The following NFKBIE variants were observed in gnomAD, a reference collection of about 807,000 sequenced individuals.
NFKBIE encodes NF-kappa-B inhibitor epsilon.
In NFKBIE, 11 loss-of-function variants were observed where a neutral mutation model predicts 31.6. The ratio of observed to expected loss-of-function variants is 0.35; its 90% CI spans 0.22 to 0.58. The LOEUF is 0.58. NFKBIE is among the 20% of genes least tolerant of loss of function. The pLI, the probability that NFKBIE is intolerant of heterozygous loss-of-function variation, is 0.83. For missense variants in NFKBIE, 354 were observed against 465.7 expected (o/e 0.76, Z 2.21); for synonymous variants, 208 against 210.1 (o/e 0.99, Z 0.09).
intron 2 of NFKBIE, among the ~76,000 whole-genome samples, chr6:44,262,206 G>A (rs1299580546): frequency 2.0e-5 from 3 of 152,172 alleles, no homozygotes; most frequent in Non-Finnish European, 4.4e-5. Context: ...TAGAGGCACC[G>A]GGCAGTCTCT....
Position 44,263,534 on chromosome 6 carries a change from A to AGCAGCAG in NFKBIE, c.366-879_366-873dup, listed in dbSNP as rs1328115138. Among the ~76,000 whole-genome samples the AGCAGCAG allele has an allele frequency of 6.6e-6, 1 of 152,080 alleles. No individual in the cohort carries two copies. Among genetic ancestry groups the AGCAGCAG allele is most frequent in the East Asian group, 1.9e-4 (1 of 5,190 alleles). On this transcript the variant is annotated intron_variant, in intron 1 of 5. Coordinates refer to ENST00000619360, the MANE Select transcript of NFKBIE (RefSeq NM_004556.3). This position sits in a 1 kb window ranked among gnomAD's most constrained non-coding sequence, Gnocchi z 5.0. Reference sequence around the variant, plus strand: ...CTTGGGCAGGAGGGTGGCAGGCTTTAGCAGCAGGCAGCAGGAGAGGCCCAG... The same window carrying AGCAGCAG: ...CTTGGGCAGGAGGGTGGCAGGCTTTAGCAGCAGGCAGCAGGCAGCAGGAGAGGCCCAG...
chr6:44,262,528 G>T (rs781591826), intron 2 of NFKBIE, 32 bp downstream of exon 2: 5 of 1,577,456 alleles, frequency 3.2e-6, no homozygotes, highest in Middle Eastern at 1.7e-4. Context: ...GCACAAACAG[G>T]TATCTGGGCA....
chr6:44,258,713 T>A lies in NFKBIE; in HGVS notation c.*506A>T, dbSNP rs1781774099. 1 of 153,002 alleles carries A rather than the reference T, an allele frequency of 6.5e-6. No individual in the cohort carries two copies. The highest frequency in any genetic ancestry group is 2.4e-5 in the African/African-American group (1 of 41,444). The allele number at this position is 153,002 out of a possible 1,614,324, so 9.5% of individuals were successfully genotyped here. The stretch of plus-strand genomic sequence containing the variant: ...TTTTTTAACGTCTCTGCCATTTTAG[T>A]GTCATGTTACTGAAACTTCCCTTCC... On this transcript the variant is annotated 3_prime_UTR_variant, in exon 6 of 6. Transcript: ENST00000619360.
Position 44,265,116 on chromosome 6 carries a change from C to G in NFKBIE, c.231G>C (p.Ser77=). The change falls in exon 1 of 6, where the codon TCG becomes TCC. Residue 77 remains serine, a synonymous_variant. Transcript: ENST00000619360. The stretch of plus-strand genomic sequence containing the variant: ...CCAGCAAGGACAGGGTGTAGGTGAG[C>G]GAGGAGGAGCCATAGGTGGAATCAG... ...ERADSTYGSS[S]LTYTLSLLGG... 6.4e-7 allele frequency: 1 copy of G among 1,553,900 alleles called. No individual in the cohort carries two copies. The highest frequency in any genetic ancestry group is 1.4e-5 in the African/African-American group (1 of 73,528).
Position 44,260,229 on chromosome 6 carries a change from C to G in NFKBIE, c.834G>C (p.Arg278=). Residue 278 remains arginine (R), a synonymous_variant, in exon 5 of 6, where the codon CGG becomes CGC. Coordinates refer to ENST00000619360, the MANE Select transcript of NFKBIE (RefSeq NM_004556.3). The surrounding 1 kb of genome is among the most constrained non-coding windows in gnomAD (Gnocchi z 5.5). Reference sequence around the variant, plus strand: ...CCTGGAGCAGGAACTGTACCAGGCCCCGCTCTTGGGTTTCCACAGCCAGGT... The same window carrying G: ...CCTGGAGCAGGAACTGTACCAGGCCGCGCTCTTGGGTTTCCACAGCCAGGT... The part of the protein sequence containing the change: ...ALHLAVETQE[R]GLVQFLLQAG... 6.2e-7 allele frequency: 1 copy of G among 1,613,626 alleles called. No homozygotes were observed. The highest frequency in any genetic ancestry group is 8.5e-7 in the Non-Finnish European group (1 of 1,179,556).
rs1469231596 is a variant in NFKBIE, at chr6:44,259,181, A to G, written c.*38T>C. On this transcript the variant is annotated 3_prime_UTR_variant, in exon 6 of 6. Transcript: ENST00000619360. ...AGTTATGGCTCCGGCTTCCAGATGG[A>G]GAGGTGGAGCCCTGAGGATCCCAGA... 2 of 1,608,908 alleles carry G rather than the reference A, an allele frequency of 1.2e-6. No homozygotes were observed. The highest frequency in any genetic ancestry group is 1.7e-5 in the Admixed American group (1 of 59,936).
At position 44,260,562 on chromosome 6, in the gene NFKBIE, G is replaced by C. The variant is rs773586220; in HGVS notation, c.692-23C>G. On this transcript the variant is annotated intron_variant, in intron 3 of 5. Transcript: ENST00000619360. This position sits in a 1 kb window ranked among gnomAD's most constrained non-coding sequence, Gnocchi z 5.5. ...GACCTGGGATGGGGTGAGAGTGAGG[G>C]TGAGGGCTGCTGATCTGCATCCACC... 1.2e-6 allele frequency: 2 copies of C among 1,609,026 alleles called. No homozygotes were observed. Among genetic ancestry groups the C allele is most frequent in the Non-Finnish European group, 1.7e-6 (2 of 1,176,504 alleles).
rs1583008613 is a variant in NFKBIE at position 44,260,866 on chromosome 6, C to CACACACACATACAG, written c.692-328_692-327insCTGTATGTGTGTGT. ...ACACACACACACACATACAGACACA[C>CACACACACATACAG]ACACACACACACACACACACACACA... On this transcript the variant is annotated intron_variant, in intron 3 of 5. Transcript: ENST00000619360. The surrounding 1 kb of genome is among the most constrained non-coding windows in gnomAD (Gnocchi z 5.5). 4.2e-5 allele frequency among the ~76,000 whole-genome samples: 6 copies of CACACACACATACAG among 142,912 alleles called. No homozygotes were observed. Among genetic ancestry groups the CACACACACATACAG allele is most frequent in the Admixed American group, 1.4e-4 (2 of 14,104 alleles). 93.8% of individuals were successfully genotyped at this position (142,912 alleles called of 152,430 possible).
chr6:44,265,476 G>A lies in NFKBIE; in HGVS notation c.-130C>T. 6.6e-7 allele frequency: 1 copy of A among 1,525,750 alleles called. No individual in the cohort carries two copies. The highest frequency in any genetic ancestry group is 8.8e-7 in the Non-Finnish European group (1 of 1,140,472). 94.5% of individuals were successfully genotyped at this position (1,525,750 alleles called of 1,614,324 possible). On this transcript the variant is annotated 5_prime_UTR_variant, in exon 1 of 6. Transcript: ENST00000619360. ...CGGCCCGCGGCGGCCTCCTTCCCGGGCTGTGGGGCTCCGAGGGGCCGGCGC... is the reference window on the plus strand; with the variant it reads ...CGGCCCGCGGCGGCCTCCTTCCCGGACTGTGGGGCTCCGAGGGGCCGGCGC...
intron 5 of NFKBIE, 53 bp downstream of exon 5, chr6:44,259,988 CCT>C: frequency 6.3e-7 from 1 of 1,581,400 alleles, no homozygotes; most frequent in Non-Finnish European, 8.6e-7. Flanking sequence ...AATGACAGAA[CCT>C]CTCTCTGCTA....
chr6:44,261,895 ACCTC>A lies in NFKBIE; in HGVS notation c.469-51_469-48del. ...CATGGGGCCACTGCAGCATGCTCCC[ACCTC>A]TGGGAACATGCTTGGGCTCAAGAAT... On this transcript the variant is annotated intron_variant, in intron 2 of 5. Transcript: ENST00000619360. The surrounding 1 kb of genome is among the most constrained non-coding windows in gnomAD (Gnocchi z 4.3). 3 of 1,517,260 alleles carry A rather than the reference ACCTC, an allele frequency of 2.0e-6. No homozygotes were observed. The highest frequency in any genetic ancestry group is 2.7e-6 in the Non-Finnish European group (3 of 1,117,170). 94.0% of individuals were successfully genotyped at this position (1,517,260 alleles called of 1,614,324 possible).
In NFKBIE at chr6:44,265,311, C is replaced by T. The variant is rs1782083801; in HGVS notation, c.36G>A (p.Glu12=). ...SEARKGPDEA[E]ESQYDSGIES... is the part of the protein sequence containing the mutation. ...CAATGCCAGAGTCGTACTGGCTCTCCTCCGCCTCGTCCGGCCCCTTCCGCG... is the reference window on the plus strand; with the variant it reads ...CAATGCCAGAGTCGTACTGGCTCTCTTCCGCCTCGTCCGGCCCCTTCCGCG... The change falls in exon 1 of 6, where the codon GAG becomes GAA. Residue 12 remains glutamate, a synonymous_variant. Coordinates refer to ENST00000619360, the MANE Select transcript of NFKBIE (RefSeq NM_004556.3). 1 of 1,547,626 alleles carries T rather than the reference C, an allele frequency of 6.5e-7. No homozygotes were observed.
chr6:44,259,136 GC>G lies in NFKBIE; in HGVS notation c.*82del. ...CCCTAGGGCACCAGAAGAGCACATA[GC>G]CTGGGCCCAAACTGCAGCAGTTATG... On this transcript the variant is annotated 3_prime_UTR_variant, in exon 6 of 6. Transcript: ENST00000619360. 1 of 1,454,836 alleles carries G rather than the reference GC, an allele frequency of 6.9e-7. No homozygotes were observed. 90.1% of individuals were successfully genotyped at this position (1,454,836 alleles called of 1,614,324 possible).
At position 44,261,892 on chromosome 6, in the gene NFKBIE, C is replaced by CA. The variant is rs1561913948; in HGVS notation, c.469-45_469-44insT. 4.6e-6 allele frequency: 7 copies of CA among 1,538,344 alleles called. No individual in the cohort carries two copies. Among genetic ancestry groups the CA allele is most frequent in the Non-Finnish European group, 6.2e-6 (7 of 1,133,444 alleles). ...GGTCATGGGGCCACTGCAGCATGCT[C>CA]CCACCTCTGGGAACATGCTTGGGCT... On this transcript the variant is annotated intron_variant, in intron 2 of 5. Coordinates refer to ENST00000619360, the MANE Select transcript of NFKBIE (RefSeq NM_004556.3). This position sits in a 1 kb window ranked among gnomAD's most constrained non-coding sequence, Gnocchi z 4.3.
intron 2 of NFKBIE, 76 bp downstream of exon 2, chr6:44,262,484 T>C: frequency 1.6e-6 from 2 of 1,286,628 alleles, no homozygotes; most frequent in Non-Finnish European, 2.3e-6. Flanking sequence ...GAGCAGCCTT[T>C]GGACTGGTAT....
Position 44,265,497 on chromosome 6 carries a change from G to A in NFKBIE, c.-151C>T. The A allele has an allele frequency of 1.3e-6, 2 of 1,537,538 alleles. No homozygotes were observed. Among genetic ancestry groups the A allele is most frequent in the Non-Finnish European group, 1.7e-6 (2 of 1,144,240 alleles). ...CCGGGCTGTGGGGCTCCGAGGGGCC[G>A]GCGCGCAGCGAGGACAAGGTTCGGA... On this transcript the variant is annotated 5_prime_UTR_variant, in exon 1 of 6. Transcript: ENST00000619360.
Position 44,260,437 on chromosome 6 carries a change from G to C in NFKBIE, c.780+14C>G. The C allele has an allele frequency of 1.9e-6, 3 of 1,614,128 alleles. No individual in the cohort carries two copies. Among genetic ancestry groups the C allele is most frequent in the Non-Finnish European group, 2.5e-6 (3 of 1,179,972 alleles). On this transcript the variant is annotated intron_variant, in intron 4 of 5. Transcript: ENST00000619360. The surrounding 1 kb of genome is among the most constrained non-coding windows in gnomAD (Gnocchi z 5.5). The stretch of plus-strand genomic sequence containing the variant: ...CAGGCCCTGGGCCGGGCAGTGCTTT[G>C]CTGGCTGTCTCACCTGCACATCAAT...
intron 1 of NFKBIE, among the ~76,000 whole-genome samples, chr6:44,264,304 G>T (rs966119916): frequency 6.6e-6 from 1 of 152,316 alleles, no homozygotes; most frequent in Non-Finnish European, 1.5e-5. Context: ...ACTCCATCTG[G>T]GTCTGGAGGA....
rs1781980017 is a variant in NFKBIE at position 44,263,036 on chromosome 6, G to C, written c.366-374C>G. ...GAAGTAGTCCAGAGGGGGTTTCCAG[G>C]GCTAAGCACCCCACCACCCCAGCAC... On this transcript the variant is annotated intron_variant, in intron 1 of 5. Transcript: ENST00000619360. The surrounding 1 kb of genome is among the most constrained non-coding windows in gnomAD (Gnocchi z 5.0). Among the ~76,000 whole-genome samples the C allele has an allele frequency of 6.6e-6, 1 of 152,192 alleles. No homozygotes were observed. The highest frequency in any genetic ancestry group is 1.5e-5 in the Non-Finnish European group (1 of 68,034).
Sources: gnomAD v4.1 joint callset for allele counts (sites outside exome capture counted in the v4.1 genomes callset) on GRCh38, gnomAD v4.1.1 for gene constraint, Gnocchi (gnomAD v3.1) non-coding constraint, MANE v1.5 for transcripts, NCBI Gene and HGNC (gene_info 2026-07-23, HGNC 2026-07-21) for gene names.